The following EXT2 variants were observed in gnomAD, a reference collection of about 807,000 sequenced individuals.
EXT2 encodes exostosin glycosyltransferase 2.
In EXT2, 53 loss-of-function variants were observed where a neutral mutation model predicts 81.6. That is an observed-to-expected ratio of 0.65 (90% CI 0.52 to 0.82). The LOEUF (loss-of-function observed/expected upper bound fraction) is 0.82. Ranked by LOEUF, EXT2 falls within the 40% of genes least tolerant of loss-of-function variation. The probability of loss-of-function intolerance (pLI) is 0.00; values close to 1 mark genes in which losing one functional copy is unlikely to be tolerated. For synonymous variants in EXT2, 320 were observed against 340.0 expected (o/e 0.94, Z 0.65); for missense variants, 774 against 910.2 (o/e 0.85, Z 1.93).
At chr11:44,186,865 T>C (rs897319445) in intron 8 of EXT2, among the ~76,000 whole-genome samples, 5 of 152,200 alleles carry the variant, frequency 3.3e-5, no homozygotes, top group South Asian at 2.1e-4. Context: ...TAGCAACTGA[T>C]TATTTTCTGA....
intron 8 of EXT2, among the ~76,000 whole-genome samples, chr11:44,178,305 G>A (rs1164937301): frequency 6.6e-6 from 1 of 152,204 alleles, no homozygotes; most frequent in Admixed American, 6.5e-5. Flanking sequence ...TATTGATGCT[G>A]CTGGTCCAGG....
At chr11:44,183,156 G>A (rs534610367) in intron 8 of EXT2, among the ~76,000 whole-genome samples, 2 of 152,304 alleles carry the variant, frequency 1.3e-5, no homozygotes, top group South Asian at 4.1e-4. Context: ...ATGTCAATTT[G>A]TCCTATTACT....
chr11:44,130,558 G>A (rs1170560425), intron 7 of EXT2, among the ~76,000 whole-genome samples: 6 of 152,104 alleles, frequency 3.9e-5, no homozygotes, highest in African/African-American at 1.2e-4. Context: ...TTTGTAATTC[G>A]GGAATCCTTC....
rs527719588 is a variant in EXT2, at chr11:44,188,275, C to T, written c.1306-9554C>T. Among the ~76,000 whole-genome samples, 5 of 152,298 alleles carry T rather than the reference C, an allele frequency of 3.3e-5. No individual in the cohort carries two copies. The East Asian group carries it at 9.6e-4, about 29-fold the overall frequency. On this transcript the variant is annotated intron_variant, in intron 8 of 13. Transcript: ENST00000533608. ...ATGATCTGGAGCTTTGACCTGGTAA[C>T]TCTGTGAAGTAAGGGACAGGGATTA...
At chr11:44,229,282 A>G (rs1179123149) in intron 10 of EXT2, among the ~76,000 whole-genome samples, 2 of 152,220 alleles carry the variant, frequency 1.3e-5, no homozygotes, top group Non-Finnish European at 2.9e-5. Context: ...TAATAGTATC[A>G]TATTATTTTA....
chr11:44,113,125 C>A (rs1954170055), intron 3 of EXT2, among the ~76,000 whole-genome samples: 1 of 152,210 alleles, frequency 6.6e-6, no homozygotes, highest in South Asian at 2.1e-4. Context: ...AAGTTTTTAG[C>A]CTGCAGGTTA....
chr11:44,129,743 T>C (rs1432465067), intron 6 of EXT2, among the ~76,000 whole-genome samples: 2 of 152,204 alleles, frequency 1.3e-5, no homozygotes, highest in Non-Finnish European at 2.9e-5. Flanking sequence ...GGGCAGAGCA[T>C]GGTGTGTTCA....
intron 9 of EXT2, among the ~76,000 whole-genome samples, chr11:44,205,017 G>T (rs1437247759): frequency 6.6e-6 from 1 of 152,190 alleles, no homozygotes; most frequent in African/African-American, 2.4e-5. Flanking sequence ...TCCAGATCCA[G>T]AGAAACATGG....
chr11:44,227,476 A>C (rs752084971), intron 10 of EXT2, among the ~76,000 whole-genome samples: 81 of 152,222 alleles, frequency 5.3e-4, no homozygotes, highest in Non-Finnish European at 9.8e-4. Context: ...AGATGGCAAA[A>C]TGGAAGCAAG....
At chr11:44,105,604 A>G (rs189624322) in intron 1 of EXT2, among the ~76,000 whole-genome samples, 86 of 152,246 alleles carry the variant, frequency 5.6e-4, no homozygotes, top group African/African-American at 2.0e-3. Context: ...CTTTTTGTGG[A>G]TTGGTATTTT....
chr11:44,217,171 C>T (rs146064262), intron 10 of EXT2, among the ~76,000 whole-genome samples: 2 of 151,918 alleles, frequency 1.3e-5, no homozygotes, highest in Admixed American at 1.3e-4. Context: ...GCTGAGAAAA[C>T]TGAAGTGCAC....
In EXT2 at chr11:44,169,646, A is replaced by C. The variant is rs1356720596; in HGVS notation, c.1174-1965A>C. ...TAGGAACCAAATATTTTTGGATGAG[A>C]TAATATATTAAAACCCAGTAACAGA... On this transcript the variant is annotated intron_variant, in intron 7 of 13. Transcript: ENST00000533608. Among the ~76,000 whole-genome samples, 4 of 152,202 alleles carry C rather than the reference A, an allele frequency of 2.6e-5. No individual in the cohort carries two copies. In the East Asian group the frequency reaches 7.7e-4, roughly 29 times the overall value.
intron 13 of EXT2, among the ~76,000 whole-genome samples, chr11:44,243,726 TTCTTTCCATCCTTTGCCTTC>T (rs1250494906): frequency 1.3e-5 from 2 of 151,864 alleles, no homozygotes; most frequent in Non-Finnish European, 2.9e-5. Flanking sequence ...GTAGTTTTTT[TTCTTTCCATCCTTTGCCTTC>T]TCTTAGCTGG....
At chr11:44,145,101 G>A (rs894124817) in intron 7 of EXT2, among the ~76,000 whole-genome samples, 1 of 152,036 alleles carries the variant, frequency 6.6e-6, no homozygotes, top group Admixed American at 6.6e-5. Flanking sequence ...CATAGAAATA[G>A]CATGGATTGT....
chr11:44,107,694 A>T lies in EXT2; in HGVS notation c.-19A>T. 1 of 1,609,848 alleles carries T rather than the reference A, an allele frequency of 6.2e-7. No homozygotes were observed. Among genetic ancestry groups the T allele is most frequent in the South Asian group, 1.1e-5 (1 of 90,940 alleles). ...TCCCTGGTGACCAGGAGTGTGAGGA[A>T]GAGGCTGTCTGTGTCATTATGTGTG... On this transcript the variant is annotated 5_prime_UTR_variant, in exon 2 of 14. The change creates a new upstream start codon in the 5' untranslated region. Coordinates refer to ENST00000533608, the MANE Select transcript of EXT2 (RefSeq NM_207122.2).
At chr11:44,153,201 T>C (rs774497223) in intron 7 of EXT2, among the ~76,000 whole-genome samples, 103 of 152,144 alleles carry the variant, frequency 6.8e-4, no homozygotes, top group Non-Finnish European at 1.2e-3. Context: ...TTCATCAGAG[T>C]TTTATATTTT....
rs1590541643 is a variant in EXT2 at position 44,102,563 on chromosome 11, G to T, written c.-30-5120G>T. 3.5e-5 allele frequency among the ~76,000 whole-genome samples: 5 copies of T among 144,092 alleles called. No homozygotes were observed. In the South Asian group the frequency reaches 1.1e-3, roughly 32 times the overall value. The allele number at this position is 144,092 out of a possible 152,430, so 94.5% of individuals were successfully genotyped here. A position where few individuals can be genotyped will look rare whatever the true frequency, so the allele number is the denominator to read the frequency against. On this transcript the variant is annotated intron_variant, in intron 1 of 13. Coordinates refer to ENST00000533608, the MANE Select transcript of EXT2 (RefSeq NM_207122.2). ...TTTTTTTTTTTTTTTTTTGCACGGG[G>T]TCGGGGGTATGAGGGGAGTCAAACT...
intron 8 of EXT2, among the ~76,000 whole-genome samples, chr11:44,192,705 T>C (rs1279598124): frequency 6.6e-6 from 1 of 152,164 alleles, no homozygotes; most frequent in African/African-American, 2.4e-5. Flanking sequence ...ATGATCCCTG[T>C]TTTACAGATG....
At chr11:44,188,690 G>A (rs1471832313) in intron 8 of EXT2, among the ~76,000 whole-genome samples, 1 of 152,196 alleles carries the variant, frequency 6.6e-6, no homozygotes, top group Non-Finnish European at 1.5e-5. Flanking sequence ...AAACAGACAT[G>A]CAAGGGCTTG....
Sources: allele counts gnomAD v4.1 joint callset (sites outside exome capture counted in the v4.1 genomes callset), GRCh38; gene constraint gnomAD v4.1.1; transcripts MANE v1.5; gene names NCBI Gene and HGNC (gene_info 2026-07-23, HGNC 2026-07-21).